The following TNKS variants were observed in gnomAD, a reference collection of about 807,000 sequenced individuals.
TNKS encodes the protein tankyrase.
TNKS carries 72 observed loss-of-function variants against 135.8 expected under a neutral mutation model. That is an observed-to-expected ratio of 0.53 (90% CI 0.44 to 0.64). TNKS has a LOEUF of 0.64. TNKS is among the 30% of genes least tolerant of loss of function. The probability of loss-of-function intolerance (pLI) is 0.00; values close to 1 mark genes in which losing one functional copy is unlikely to be tolerated. For missense variants in TNKS, 1,769 were observed against 1,674.0 expected, an observed-to-expected ratio of 1.06 and a Z score of -0.99; for synonymous variants, 849 against 649.3, an observed-to-expected ratio of 1.31 and a Z score of -4.68.
chr8:9,739,063 T>G (rs1279996168), intron 17 of TNKS, among the ~76,000 whole-genome samples: 1 of 150,136 alleles, frequency 6.7e-6, no homozygotes, highest in East Asian at 2.0e-4. Context: ...TGGGATCTAA[T>G]TAAACTAAAG....
In TNKS at chr8:9,708,367, A is replaced by T; in HGVS notation, c.1457-4A>T. 6.3e-7 allele frequency: 1 copy of T among 1,579,092 alleles called. No individual in the cohort carries two copies. The highest frequency in any genetic ancestry group is 2.3e-5 in the East Asian group (1 of 43,982). On this transcript the variant is annotated splice_polypyrimidine_tract_variant and splice_region_variant and intron_variant, in intron 8 of 26. Coordinates refer to ENST00000310430, the MANE Select transcript of TNKS (RefSeq NM_003747.3). ...TTTTATGTCAACCATTGTTTCATTG[A>T]CAGATGAATTTAAAGGTCATTCTTT...
chr8:9,587,513 C>T (rs1042316501), intron 2 of TNKS, among the ~76,000 whole-genome samples: 3 of 152,000 alleles, frequency 2.0e-5, no homozygotes, highest in Non-Finnish European at 2.9e-5. Flanking sequence ...CATTCTCCTG[C>T]CTCAGCCTCC....
At chr8:9,617,339 A>G (rs1799683583) in intron 3 of TNKS, among the ~76,000 whole-genome samples, 1 of 152,230 alleles carries the variant, frequency 6.6e-6, no homozygotes, top group African/African-American at 2.4e-5. Context: ...AGATAGGAAT[A>G]TACGAAATTC....
At chr8:9,766,567 C>A in intron 25 of TNKS, 142 bp downstream of exon 25, 2 of 653,786 alleles carry the variant, frequency 3.1e-6, no homozygotes, top group Non-Finnish European at 4.5e-6. Flanking sequence ...GCTCACGCAA[C>A]CTCCACCTCC....
At chr8:9,740,429 A>G (rs1004532025) in intron 17 of TNKS, among the ~76,000 whole-genome samples, 2 of 152,080 alleles carry the variant, frequency 1.3e-5, no homozygotes, top group African/African-American at 4.8e-5. Flanking sequence ...TCTTCCTCCT[A>G]CCGCCTTCTC....
chr8:9,576,272 C>G (rs1797940527), intron 1 of TNKS, among the ~76,000 whole-genome samples: 1 of 152,092 alleles, frequency 6.6e-6, no homozygotes, highest in Admixed American at 6.5e-5. Flanking sequence ...TCTCACACTG[C>G]TATAAAGAAC....
chr8:9,633,386 C>T (rs1026375757), intron 3 of TNKS, among the ~76,000 whole-genome samples: 1 of 152,286 alleles, frequency 6.6e-6, no homozygotes, highest in Non-Finnish European at 1.5e-5. Context: ...TACATCTGTA[C>T]AATAGTGAAG....
chr8:9,664,897 C>G (rs1015794971), intron 3 of TNKS, among the ~76,000 whole-genome samples: 3 of 152,198 alleles, frequency 2.0e-5, no homozygotes, highest in Admixed American at 6.5e-5. Context: ...CATTTCTATA[C>G]CATATCCCTA....
chr8:9,621,107 A>C (rs1465702909), intron 3 of TNKS, among the ~76,000 whole-genome samples: 3 of 152,218 alleles, frequency 2.0e-5, no homozygotes, highest in African/African-American at 4.8e-5. Flanking sequence ...TTTGAATTGC[A>C]TATAGTCCTA....
In TNKS at chr8:9,751,816, G is replaced by T; in HGVS notation, c.3040G>T (p.Ala1014Ser). ...AGGAGCCTCCAATGCAGGGGATGGCGCCGCGGGAACAGAAAGGAAGGAAGG... is the reference window on the plus strand; with the variant it reads ...AGGAGCCTCCAATGCAGGGGATGGCTCCGCGGGAACAGAAAGGAAGGAAGG... ...VGGASNAGDG[A>S]AGTERKEGEV... Residue 1014 changes from alanine to serine, a missense_variant, in exon 19 of 27, where the codon GCC becomes TCC. Ala to Ser is a moderately conservative substitution (Grantham distance 99, BLOSUM62 1). This residue lies in a region of TNKS where 722 missense variants were observed against 688.9 expected (regional missense o/e 1.05). Coordinates refer to ENST00000310430, the MANE Select transcript of TNKS (RefSeq NM_003747.3). 1 of 1,614,134 alleles carries T rather than the reference G, an allele frequency of 6.2e-7. No homozygotes were observed. The highest frequency in any genetic ancestry group is 8.5e-7 in the Non-Finnish European group (1 of 1,180,018).
At chr8:9,598,113 A>G (rs781561864) in intron 2 of TNKS, among the ~76,000 whole-genome samples, 1 of 152,130 alleles carries the variant, frequency 6.6e-6, no homozygotes, top group African/African-American at 2.4e-5. Context: ...TAGTAATGAT[A>G]TATTTATGAT....
At chr8:9,573,678 C>T (rs1274756879) in intron 1 of TNKS, among the ~76,000 whole-genome samples, 1 of 152,104 alleles carries the variant, frequency 6.6e-6, no homozygotes, top group Non-Finnish European at 1.5e-5. Flanking sequence ...GCTTAAAAAG[C>T]ATGAGAGATG....
chr8:9,714,404 T>C lies in TNKS; in HGVS notation c.1749+4184T>C, dbSNP rs928465587. ...AGTGCTTAACACACAGATAATGTTT[T>C]GGTTATTTGTGAATATGAGCCTTTT... On this transcript the variant is annotated intron_variant, in intron 11 of 26. Transcript: ENST00000310430. Among the ~76,000 whole-genome samples the C allele has an allele frequency of 9.2e-5, 14 of 152,256 alleles. No homozygotes were observed. In the South Asian group the frequency reaches 2.1e-3, roughly 23 times the overall value.
At chr8:9,616,063 C>T (rs1799633761) in intron 3 of TNKS, among the ~76,000 whole-genome samples, 1 of 152,170 alleles carries the variant, frequency 6.6e-6, no homozygotes, top group Non-Finnish European at 1.5e-5. Flanking sequence ...CTGCTGCCTG[C>T]TGCCTTATTT....
chr8:9,762,030 G>T (rs1205696596), intron 21 of TNKS, among the ~76,000 whole-genome samples: 2 of 152,186 alleles, frequency 1.3e-5, no homozygotes, highest in Non-Finnish European at 2.9e-5. Flanking sequence ...ATGATTATAT[G>T]ATCATATCAC....
intron 3 of TNKS, among the ~76,000 whole-genome samples, chr8:9,652,247 A>G (rs1275422128): frequency 6.6e-6 from 1 of 152,192 alleles, no homozygotes; most frequent in Non-Finnish European, 1.5e-5. Context: ...CTCTGTAATG[A>G]GGAAGTGGAT....
At chr8:9,720,803 A>G (rs1462711208) in intron 12 of TNKS, among the ~76,000 whole-genome samples, 6 of 152,180 alleles carry the variant, frequency 3.9e-5, no homozygotes, top group Non-Finnish European at 8.8e-5. Flanking sequence ...AAGGTGACTT[A>G]AAACTCATAT....
intron 1 of TNKS, among the ~76,000 whole-genome samples, chr8:9,560,451 T>C (rs1797278010): frequency 6.6e-6 from 1 of 150,640 alleles, no homozygotes; most frequent in Admixed American, 6.6e-5. Context: ...TTTCAACTCA[T>C]TCCTGACTCT....
intron 13 of TNKS, among the ~76,000 whole-genome samples, chr8:9,728,542 A>G (rs1805265875): frequency 6.6e-6 from 1 of 152,194 alleles, no homozygotes; most frequent in South Asian, 2.1e-4. Flanking sequence ...AATAGAGTTA[A>G]TTTAGAATGT....
Sources: gnomAD v4.1 joint callset for allele counts (sites outside exome capture counted in the v4.1 genomes callset) on GRCh38, gnomAD v4.1.1 for gene constraint, gnomAD v4.1.1 regional missense constraint, MANE v1.5 for transcripts, NCBI Gene and HGNC (gene_info 2026-07-23, HGNC 2026-07-21) for gene names.